The following FAM20B variants were observed in gnomAD, a reference collection of about 807,000 sequenced individuals.
FAM20B encodes the protein glycosaminoglycan xylosylkinase.
Under a neutral mutation model 43.8 loss-of-function variants are expected in FAM20B, and 23 were observed. The ratio of observed to expected loss-of-function variants is 0.53; its 90% CI spans 0.38 to 0.74. The LOEUF is 0.74. Among genes scored for constraint, FAM20B ranks in the 30% least tolerant of loss-of-function variants. The pLI is 0.00. For missense variants in FAM20B, 440 were observed against 510.5 expected (o/e 0.86, Z 1.33); for synonymous variants, 178 against 192.4 (o/e 0.93, Z 0.62).
intron 1 of FAM20B, among the ~76,000 whole-genome samples, chr1:179,040,586 G>A (rs537506275): frequency 8.8e-6 from 1 of 113,328 alleles, no homozygotes; most frequent in East Asian, 2.6e-4. Flanking sequence ...CGGGCAGAGG[G>A]GCTCCTCACT....
At chr1:179,051,942 C>T (rs1189149384) in intron 3 of FAM20B, among the ~76,000 whole-genome samples, 1 of 151,888 alleles carries the variant, frequency 6.6e-6, no homozygotes. Context: ...GTCACCACGC[C>T]CAGCCTAAAA....
At chr1:179,017,624 G>A in the FAM20B span, among the ~76,000 whole-genome samples, 1 of 152,092 alleles carries the variant, frequency 6.6e-6, no homozygotes, top group African/African-American at 2.4e-5. Context: ...GTGTCATTAT[G>A]TCATTCTTTG....
rs1347946435 is a variant in FAM20B, at chr1:179,074,085, C to T, written c.*1941C>T. On this transcript the variant is annotated 3_prime_UTR_variant, in exon 8 of 8. Coordinates refer to ENST00000263733, the MANE Select transcript of FAM20B (RefSeq NM_014864.4). ...TTAGAATTTATGCCCAGTTTTCTTG[C>T]ATTGAAAGATAACTGAGTAATAACC... 6.6e-6 allele frequency: 1 copy of T among 152,634 alleles called. No homozygotes were observed. Among genetic ancestry groups the T allele is most frequent in the East Asian group, 1.9e-4 (1 of 5,204 alleles). The allele number at this position is 152,634 out of a possible 1,614,324, so 9.5% of individuals were successfully genotyped here.
chr1:179,058,295 A>G (rs1651311895), intron 4 of FAM20B, among the ~76,000 whole-genome samples: 1 of 152,266 alleles, frequency 6.6e-6, no homozygotes, highest in Admixed American at 6.5e-5. Context: ...TTGTAGAGAC[A>G]AAGTCACATG....
chr1:179,070,756 C>T (rs1041871575), intron 7 of FAM20B, among the ~76,000 whole-genome samples: 1 of 151,532 alleles, frequency 6.6e-6, no homozygotes, highest in Admixed American at 6.6e-5. Context: ...AACTCCCAAC[C>T]TGAGGGCCCA....
intron 3 of FAM20B, among the ~76,000 whole-genome samples, chr1:179,053,927 T>C (rs1442834056): frequency 6.6e-6 from 1 of 152,216 alleles, no homozygotes; most frequent in Non-Finnish European, 1.5e-5. Context: ...TCATTGTAAA[T>C]TTTCTGTGTG....
chr1:179,036,116 C>T (rs1035287085), intron 1 of FAM20B, among the ~76,000 whole-genome samples: 1 of 151,928 alleles, frequency 6.6e-6, no homozygotes, highest in African/African-American at 2.4e-5. Flanking sequence ...GGTGACAGAG[C>T]GAGACTCTGT....
At chr1:179,025,034 T>G (rs1649697681), upstream of FAM20B, among the ~76,000 whole-genome samples, 1 of 152,192 alleles carries the variant, frequency 6.6e-6, no homozygotes, top group Non-Finnish European at 1.5e-5. Flanking sequence ...TGGAGTAACC[T>G]GCATTATATT....
chr1:179,022,064 G>A (rs115582547), upstream of FAM20B, among the ~76,000 whole-genome samples: 398 of 152,336 alleles, frequency 2.6e-3, no homozygotes, highest in African/African-American at 8.6e-3. Context: ...GGGGTGCCAC[G>A]TGATGGGGTA....
intron 1 of FAM20B, among the ~76,000 whole-genome samples, chr1:179,026,989 A>G (rs1489785936): frequency 1.3e-5 from 2 of 152,374 alleles, no homozygotes; most frequent in Admixed American, 6.5e-5. Context: ...AGACCATACC[A>G]TCATTGGGAT....
the FAM20B span, among the ~76,000 whole-genome samples, chr1:179,019,467 C>CTT: frequency 3.0e-3 from 424 of 141,958 alleles, 5 homozygotes; most frequent in Middle Eastern, 0.015. Flanking sequence ...TTGTTTGTTT[C>CTT]TTTTTTTTTT....
At chr1:179,043,557 G>A (rs1032793733) in intron 1 of FAM20B, among the ~76,000 whole-genome samples, 158 bp from the exon 2 acceptor site, 1 of 152,156 alleles carries the variant, frequency 6.6e-6, no homozygotes, top group African/African-American at 2.4e-5. Context: ...CCATCATTAG[G>A]TCCTTCTCCA....
At chr1:179,030,302 TA>T (rs879349734) in intron 1 of FAM20B, among the ~76,000 whole-genome samples, 11 of 144,104 alleles carry the variant, frequency 7.6e-5, no homozygotes, top group South Asian at 2.2e-4. Context: ...TAGTTTTCTG[TA>T]AAAAAAAAAA....
At chr1:179,045,064 A>G (rs1034932147) in intron 2 of FAM20B, among the ~76,000 whole-genome samples, 7 of 152,230 alleles carry the variant, frequency 4.6e-5, no homozygotes, top group Admixed American at 3.3e-4. Context: ...AGTTAACTAA[A>G]TATGTATGTT....
chr1:179,069,382 G>GT (rs1487360434), intron 7 of FAM20B, among the ~76,000 whole-genome samples: 27 of 152,078 alleles, frequency 1.8e-4, no homozygotes, highest in South Asian at 6.2e-4. Flanking sequence ...GTTTTGTTTT[G>GT]TTTTTTGAGA....
At chr1:179,035,399 T>G in intron 1 of FAM20B, 1 of 709,200 alleles carries the variant, frequency 1.4e-6, no homozygotes. Context: ...TGAGATTGAT[T>G]CCTGACTACT....
intron 7 of FAM20B, among the ~76,000 whole-genome samples, chr1:179,068,440 AT>A (rs35721038): frequency 5.1e-4 from 76 of 147,788 alleles, no homozygotes; most frequent in Admixed American, 7.4e-4. Flanking sequence ...AATATAAAGA[AT>A]TTTTTTTTTT....
At chr1:179,046,133 A>T (rs1343686376) in intron 2 of FAM20B, among the ~76,000 whole-genome samples, 3 of 152,236 alleles carry the variant, frequency 2.0e-5, no homozygotes, top group Non-Finnish European at 4.4e-5. Context: ...TCAGTGGTAC[A>T]GAAGTTTGAA....
At chr1:179,023,435 A>G (rs1029810239), upstream of FAM20B, among the ~76,000 whole-genome samples, 3 of 152,238 alleles carry the variant, frequency 2.0e-5, no homozygotes, top group Non-Finnish European at 4.4e-5. Flanking sequence ...CATACATCGT[A>G]TGAGTGGTAA....
Sources: gnomAD v4.1 joint callset for allele counts (sites outside exome capture counted in the v4.1 genomes callset) on GRCh38, gnomAD v4.1.1 for gene constraint, MANE v1.5 for transcripts, NCBI Gene and HGNC (gene_info 2026-07-23, HGNC 2026-07-21) for gene names.